Variants in PLCH1 observed in about 807,000 individuals in gnomAD.
PLCH1 encodes the protein 1-phosphatidylinositol 4,5-bisphosphate phosphodiesterase eta-1.
PLCH1 carries 60 observed loss-of-function variants against 126.7 expected under a neutral mutation model. The observed-to-expected ratio is 0.47, with a 90% CI of 0.38 to 0.59. The LOEUF (loss-of-function observed/expected upper bound fraction) is 0.59. Ranked by LOEUF, PLCH1 falls within the 20% of genes least tolerant of loss-of-function variation. PLCH1 has a pLI of 0.00. For synonymous variants in PLCH1, 719 were observed against 734.9 expected (o/e 0.98, Z 0.35); for missense variants, 1,723 against 2,040.0 (o/e 0.84, Z 2.99).
At chr3:155,455,509 C>T (rs753877332) in intron 21 of PLCH1, among the ~76,000 whole-genome samples, 2 of 152,164 alleles carry the variant, frequency 1.3e-5, no homozygotes, top group East Asian at 1.9e-4. Context: ...GTATATTCTG[C>T]GTTCAGAAAA....
chr3:155,735,205 C>T (rs955430741), intron 1 of PLCH1, among the ~76,000 whole-genome samples: 6 of 151,988 alleles, frequency 3.9e-5, no homozygotes, highest in East Asian at 1.9e-4. Flanking sequence ...CCAGGGACTG[C>T]GATGTGACTG....
intron 21 of PLCH1, among the ~76,000 whole-genome samples, chr3:155,471,572 C>A (rs1269862481): frequency 1.4e-5 from 2 of 146,960 alleles, no homozygotes; most frequent in Non-Finnish European, 3.0e-5. Context: ...CTGCACCAAG[C>A]AGACCTAATA....
chr3:155,677,258 C>T (rs991846213), intron 2 of PLCH1, among the ~76,000 whole-genome samples: 10 of 152,224 alleles, frequency 6.6e-5, no homozygotes, highest in African/African-American at 1.9e-4. Context: ...ACCAGGGCCA[C>T]CCAGCCTAGA....
At chr3:155,476,691 T>C (rs1713560566), downstream of PLCH1, among the ~76,000 whole-genome samples, 1 of 151,804 alleles carries the variant, frequency 6.6e-6, no homozygotes, top group Non-Finnish European at 1.5e-5. Context: ...CTATTTACAA[T>C]AGCCACATAT....
chr3:155,554,362 A>G (rs1726534232), intron 8 of PLCH1, among the ~76,000 whole-genome samples, 166 bp from the exon 9 acceptor site: 1 of 152,258 alleles, frequency 6.6e-6, no homozygotes, highest in Admixed American at 6.5e-5. Flanking sequence ...CATATTTATC[A>G]GAACAAGGAA....
In PLCH1 at chr3:155,699,822, T is replaced by TCACACACACACACACACA. The variant is rs59082626; in HGVS notation, c.79+4306_79+4323dup. On this transcript the variant is annotated intron_variant, in intron 2 of 22. Transcript: ENST00000460012. The stretch of plus-strand genomic sequence containing the variant: ...ATGGTCAGGAGAAACCTGTGACCAT[T>TCACACACACACACACACA]CACACACACACACACACACACACAC... Among the ~76,000 whole-genome samples, 1,241 of 147,762 alleles carry TCACACACACACACACACA rather than the reference T, an allele frequency of 8.4e-3. 11 individuals carry two copies. The highest frequency in any genetic ancestry group is 0.027 in the Middle Eastern group (8 of 292).
chr3:155,489,145 CA>C (rs1715776122), intron 19 of PLCH1, among the ~76,000 whole-genome samples: 1 of 152,038 alleles, frequency 6.6e-6, no homozygotes. Flanking sequence ...ATGTTTTAGA[CA>C]AAACAATAAA....
In PLCH1 at chr3:155,565,073, G is replaced by A. The variant is rs1469074557; in HGVS notation, c.911C>T (p.Pro304Leu). ...MRSPACDIFN[P>L]LHHEVYQDMD... is the part of the protein sequence containing the mutation. ...GTCTTGGTACACTTCATGGTGCAAT[G>A]GGTTAAATATGTCACAGGCAGGACT... The change falls in exon 8 of 23, where the codon CCA (proline) becomes CTA (leucine). Residue 304 changes from proline (P) to leucine (L), a missense_variant. This residue lies in a region of PLCH1 where 776 missense variants were observed against 1,062.9 expected (regional missense o/e 0.73). Coordinates refer to ENST00000460012, the MANE Select transcript of PLCH1 (RefSeq NM_014996.4). 1 of 1,613,696 alleles carries A rather than the reference G, an allele frequency of 6.2e-7. No homozygotes were observed.
chr3:155,550,078 T>G (rs188208796), intron 9 of PLCH1, 120 bp from the exon 10 acceptor site: 1 of 611,048 alleles, frequency 1.6e-6, no homozygotes, highest in Non-Finnish European at 2.7e-6. Flanking sequence ...GCGATACTGA[T>G]GATGGTTAAA....
chr3:155,686,350 T>G (rs1744937447), intron 2 of PLCH1, among the ~76,000 whole-genome samples: 1 of 152,186 alleles, frequency 6.6e-6, no homozygotes, highest in Admixed American at 6.5e-5. Flanking sequence ...TCAATAAATA[T>G]TTAAAGCATG....
rs1720068455 is a variant in PLCH1 at position 155,514,710 on chromosome 3, G to A, written c.1632+13C>T. ...TTCCTGTTGAAGGATAAGTACAAGA[G>A]GGAATCAGATACCTGCTTCAGGTGT... On this transcript the variant is annotated intron_variant, in intron 12 of 22. Transcript: ENST00000460012. 4 of 1,502,690 alleles carry A rather than the reference G, an allele frequency of 2.7e-6. No homozygotes were observed. The highest frequency in any genetic ancestry group is 2.8e-5 in the African/African-American group (2 of 71,410). 93.1% of individuals were successfully genotyped at this position (1,502,690 alleles called of 1,614,324 possible). A position where few individuals can be genotyped will look rare whatever the true frequency, so the allele number is the denominator to read the frequency against.
At chr3:155,631,599 T>A (rs1477971040) in intron 2 of PLCH1, among the ~76,000 whole-genome samples, 1 of 152,236 alleles carries the variant, frequency 6.6e-6, no homozygotes, top group Non-Finnish European at 1.5e-5. Context: ...TGAATTTTCA[T>A]AACTGATTCA....
chr3:155,703,360 C>T (rs1746414644), intron 2 of PLCH1, among the ~76,000 whole-genome samples: 2 of 152,218 alleles, frequency 1.3e-5, no homozygotes, highest in Admixed American at 6.5e-5. Context: ...TACAATTCCA[C>T]AGGCCTCTGA....
intron 2 of PLCH1, among the ~76,000 whole-genome samples, chr3:155,612,608 T>C (rs536630749): frequency 3.3e-5 from 5 of 151,708 alleles, no homozygotes; most frequent in African/African-American, 1.2e-4. Context: ...ATTATCAAGA[T>C]TAACCAAGAA....
intron 2 of PLCH1, among the ~76,000 whole-genome samples, chr3:155,663,225 T>G (rs2108949880): frequency 6.6e-6 from 1 of 152,306 alleles, no homozygotes; most frequent in East Asian, 1.9e-4. Context: ...TAAGTTCATA[T>G]CTTGTGTTTT....
rs1465581973 is a variant in PLCH1, at chr3:155,482,862, C to A, written c.3164G>T (p.Gly1055Val). The change falls in exon 23 of 23, where the codon GGT becomes GTT. Residue 1055 changes from glycine (G) to valine (V), a missense_variant. Transcript: ENST00000460012. ...TGTGGCATTTGATGTGGTTCTCCCACCCCTAGGACTTGACATGCCCAGCTG... is the reference window on the plus strand; with the variant it reads ...TGTGGCATTTGATGTGGTTCTCCCAACCCTAGGACTTGACATGCCCAGCTG... ...GEQLGMSSPRGGRTTSNATSN... is the reference protein window; with the variant it reads ...GEQLGMSSPRVGRTTSNATSN... 67 of 1,613,998 alleles carry A rather than the reference C, an allele frequency of 4.2e-5. No individual in the cohort carries two copies. Among genetic ancestry groups the A allele is most frequent in the Non-Finnish European group, 5.4e-5 (64 of 1,180,020 alleles).
At chr3:155,458,692 T>A (rs921992047) in intron 21 of PLCH1, among the ~76,000 whole-genome samples, 1 of 152,166 alleles carries the variant, frequency 6.6e-6, no homozygotes, top group Non-Finnish European at 1.5e-5. Context: ...ATTTCAACAA[T>A]GCAAGACAAG....
chr3:155,590,449 G>A (rs1292283702), intron 4 of PLCH1, among the ~76,000 whole-genome samples: 1 of 152,034 alleles, frequency 6.6e-6, no homozygotes, highest in East Asian at 1.9e-4. Flanking sequence ...GTGGTGGCGG[G>A]CGCCTGTAGT....
chr3:155,684,802 C>T (rs1744809266), intron 2 of PLCH1, among the ~76,000 whole-genome samples: 1 of 152,114 alleles, frequency 6.6e-6, no homozygotes, highest in Non-Finnish European at 1.5e-5. Flanking sequence ...TTGTCTCTCC[C>T]TTGATGAAAG....
Sources: gnomAD v4.1 joint callset for allele counts (sites outside exome capture counted in the v4.1 genomes callset) on GRCh38, gnomAD v4.1.1 for gene constraint, gnomAD v4.1.1 regional missense constraint, MANE v1.5 for transcripts, NCBI Gene and HGNC (gene_info 2026-07-23, HGNC 2026-07-21) for gene names.